Variants in LPAR3 observed in about 807,000 individuals in gnomAD.
LPAR3 encodes lysophosphatidic acid receptor 3.
In LPAR3, 7 loss-of-function variants were observed where a neutral mutation model predicts 17.8. That is an observed-to-expected ratio of 0.39 (90% CI 0.22 to 0.74). LPAR3 has a LOEUF of 0.74. LPAR3 is among the 30% of genes least tolerant of loss of function. LPAR3 has a pLI of 0.40. For synonymous variants in LPAR3, 179 were observed against 179.9 expected, an observed-to-expected ratio of 0.99 and a Z score of 0.04; for missense variants, 391 against 453.4, an observed-to-expected ratio of 0.86 and a Z score of 1.25.
intron 1 of LPAR3, among the ~76,000 whole-genome samples, chr1:84,868,688 T>C (rs1196945209): frequency 6.6e-6 from 1 of 152,118 alleles, no homozygotes; most frequent in Non-Finnish European, 1.5e-5. Flanking sequence ...TGAAGAGGCC[T>C]GAGAGAACTC....
chr1:84,888,688 G>A (rs532933071), intron 1 of LPAR3, among the ~76,000 whole-genome samples: 22 of 152,330 alleles, frequency 1.4e-4, no homozygotes, highest in African/African-American at 4.8e-4. Context: ...TAGACCGCAT[G>A]TTTGCTTGGA....
chr1:84,841,464 C>T (rs192461665), intron 2 of LPAR3, among the ~76,000 whole-genome samples: 1 of 152,108 alleles, frequency 6.6e-6, no homozygotes, highest in Admixed American at 6.5e-5. Flanking sequence ...CTAGGAAATT[C>T]TCAGTGGTTC....
rs368466282 is a variant in LPAR3 at position 84,865,965 on chromosome 1, G to A, written c.156C>T (p.Ile52=). The A allele has an allele frequency of 3.6e-5, 58 of 1,613,892 alleles. No individual in the cohort carries two copies. The African/African-American group carries it at 7.1e-4, about 20-fold the overall frequency. ...LFIFFSNSLV[I]AAVIKNRKFH... The stretch of plus-strand genomic sequence containing the variant: ...ATTTTCTGTTTTTGATCACTGCCGC[G>A]ATGACCAGAGAATTAGAAAAAAAAA... Residue 52 remains isoleucine, a synonymous_variant, in exon 2 of 3, where the codon ATC becomes ATT. Transcript: ENST00000370611.
At chr1:84,881,479 CAAG>C (rs1262041854) in intron 1 of LPAR3, among the ~76,000 whole-genome samples, 3 of 152,150 alleles carry the variant, frequency 2.0e-5, no homozygotes, top group African/African-American at 7.2e-5. Flanking sequence ...CAGCACTTCC[CAAG>C]AAGGTTAGAT....
intron 2 of LPAR3, among the ~76,000 whole-genome samples, chr1:84,850,485 G>A (rs975115278): frequency 2.6e-5 from 4 of 152,084 alleles, no homozygotes; most frequent in Non-Finnish European, 5.9e-5. Context: ...TACTCAGGAG[G>A]CTGAGGTGGG....
intron 1 of LPAR3, among the ~76,000 whole-genome samples, chr1:84,880,787 G>C (rs1048970077): frequency 1.3e-5 from 2 of 152,180 alleles, no homozygotes; most frequent in African/African-American, 4.8e-5. Flanking sequence ...CTCCCCCAAG[G>C]AGTACACACT....
Position 84,865,668 on chromosome 1 carries a change from AAGCAAAATGAGC to A in LPAR3, c.441_452del (p.Leu148_Leu151del). 1 of 1,614,204 alleles carries A rather than the reference AAGCAAAATGAGC, an allele frequency of 6.2e-7. No individual in the cohort carries two copies. Among genetic ancestry groups the A allele is most frequent in the East Asian group, 2.2e-5 (1 of 44,878 alleles). Reference sequence around the variant, plus strand: ...CCATAAAAATGGCGATGGCCCAGACAAGCAAAATGAGCAGTGTCACCCTCTTTTTGGTCAGGT... The same window carrying A: ...CCATAAAAATGGCGATGGCCCAGACAAGTGTCACCCTCTTTTTGGTCAGGT... On this transcript the variant is annotated inframe_deletion, in exon 2 of 3. Transcript: ENST00000370611.
intron 1 of LPAR3, among the ~76,000 whole-genome samples, chr1:84,888,751 C>A (rs1353293261): frequency 6.6e-6 from 1 of 152,222 alleles, no homozygotes; most frequent in Admixed American, 6.5e-5. Context: ...GCCCTCCAAC[C>A]CAGCCCTGCC....
chr1:84,884,430 T>C (rs936380816), intron 1 of LPAR3, among the ~76,000 whole-genome samples: 1 of 152,230 alleles, frequency 6.6e-6, no homozygotes, highest in Non-Finnish European at 1.5e-5. Flanking sequence ...TCTAACATAA[T>C]GATTGTGGTA....
intron 2 of LPAR3, among the ~76,000 whole-genome samples, chr1:84,855,962 T>C (rs547749342): frequency 6.6e-6 from 1 of 152,310 alleles, no homozygotes; most frequent in South Asian, 2.1e-4. Flanking sequence ...ATTTTCTTTT[T>C]TAATTTGAAG....
intron 2 of LPAR3, among the ~76,000 whole-genome samples, chr1:84,822,833 A>G (rs1316298634): frequency 6.6e-6 from 1 of 152,214 alleles, no homozygotes; most frequent in Admixed American, 6.5e-5. Context: ...TCACACATGC[A>G]ATTAATCAAA....
chr1:84,873,898 G>A (rs1320631124), intron 1 of LPAR3, among the ~76,000 whole-genome samples: 3 of 151,848 alleles, frequency 2.0e-5, no homozygotes, highest in Non-Finnish European at 4.4e-5. Flanking sequence ...CATTACAGGC[G>A]CCCGCCACCA....
chr1:84,876,329 T>C (rs1307281331), intron 1 of LPAR3, among the ~76,000 whole-genome samples: 1 of 152,162 alleles, frequency 6.6e-6, no homozygotes, highest in African/African-American at 2.4e-5. Flanking sequence ...CTCCCTACCC[T>C]GTATCCTACA....
intron 2 of LPAR3, among the ~76,000 whole-genome samples, chr1:84,828,554 T>C (rs919619680): frequency 5.3e-5 from 8 of 152,188 alleles, no homozygotes; most frequent in African/African-American, 1.7e-4. Context: ...ATCCCAAGAA[T>C]ATGGCAATAA....
In LPAR3 at chr1:84,811,946, TTCTTAACTACTTG is replaced by T. The variant is rs1323665466; in HGVS notation, c.*1887_*1899del. On this transcript the variant is annotated 3_prime_UTR_variant, in exon 3 of 3. Transcript: ENST00000370611. ...GTGTGTATGAAACATCATTTTTTCT[TTCTTAACTACTTG>T]TCTTTCATGTTGCCTACTTAGGTCT... 2 of 152,336 alleles carry T rather than the reference TTCTTAACTACTTG, an allele frequency of 1.3e-5. No homozygotes were observed. Among genetic ancestry groups the T allele is most frequent in the Non-Finnish European group, 2.9e-5 (2 of 68,034 alleles). The allele number at this position is 152,336 out of a possible 1,614,324, so 9.4% of individuals were successfully genotyped here. A position where few individuals can be genotyped will look rare whatever the true frequency, so the allele number is the denominator to read the frequency against.
chr1:84,859,191 GATT>G (rs1659887515), intron 2 of LPAR3, among the ~76,000 whole-genome samples: 1 of 152,158 alleles, frequency 6.6e-6, no homozygotes. Context: ...CATCATGTGT[GATT>G]ATTATTAGTA....
At chr1:84,816,703 C>A (rs964996204) in intron 2 of LPAR3, among the ~76,000 whole-genome samples, 1 of 152,158 alleles carries the variant, frequency 6.6e-6, no homozygotes, top group Non-Finnish European at 1.5e-5. Context: ...AAGACTGAGG[C>A]AGGAGGATTG....
chr1:84,835,369 CT>C (rs1435910872), intron 2 of LPAR3, among the ~76,000 whole-genome samples: 1 of 152,152 alleles, frequency 6.6e-6, no homozygotes, highest in African/African-American at 2.4e-5. Flanking sequence ...CATAGAAACC[CT>C]TAAGTCTTTT....
intron 2 of LPAR3, among the ~76,000 whole-genome samples, chr1:84,862,937 A>G (rs940648401): frequency 5.3e-5 from 8 of 152,198 alleles, no homozygotes; most frequent in Non-Finnish European, 1.0e-4. Context: ...TCTACCTGTA[A>G]CCCAGAATTA....
Sources: allele counts gnomAD v4.1 joint callset (sites outside exome capture counted in the v4.1 genomes callset), GRCh38; gene constraint gnomAD v4.1.1; transcripts MANE v1.5; gene names NCBI Gene and HGNC (gene_info 2026-07-23, HGNC 2026-07-21).